RIMS1: variants seen among roughly 807,000 people sequenced by gnomAD.
RIMS1 encodes the protein regulating synaptic membrane exocytosis 1, also known as regulating synaptic membrane exocytosis protein 1.
In RIMS1, 83 loss-of-function variants were observed where a neutral mutation model predicts 214.1. That is an observed-to-expected ratio of 0.39 (90% CI 0.32 to 0.47). The LOEUF (loss-of-function observed/expected upper bound fraction) is 0.47, where lower values mean the gene tolerates loss of function less well. Among genes scored for constraint, RIMS1 ranks in the 20% least tolerant of loss-of-function variants. The probability of loss-of-function intolerance (pLI) is 0.99; values close to 1 mark genes in which losing one functional copy is unlikely to be tolerated. For synonymous variants in RIMS1, 793 were observed against 786.8 expected (o/e 1.01, Z -0.13); for missense variants, 2,050 against 2,161.8 (o/e 0.95, Z 1.03).
chr6:71,989,887 C>T (rs558513282), intron 2 of RIMS1, among the ~76,000 whole-genome samples: 1 of 152,010 alleles, frequency 6.6e-6, no homozygotes, highest in African/African-American at 2.4e-5. Context: ...CCTCAGGCCA[C>T]ACTAACCCTC....
chr6:72,088,213 T>C (rs1025724818), intron 2 of RIMS1, among the ~76,000 whole-genome samples: 23 of 141,676 alleles, frequency 1.6e-4, no homozygotes, highest in Middle Eastern at 3.6e-3. Flanking sequence ...ATTTTATTTA[T>C]TTACTTTATT....
At chr6:72,390,860 T>C in intron 30 of RIMS1, 124 bp downstream of exon 30, 2 of 1,151,116 alleles carry the variant, frequency 1.7e-6, no homozygotes, top group South Asian at 3.3e-5. Context: ...CAACCATCCA[T>C]TTTAAACCAC....
At position 72,154,281 on chromosome 6, in the gene RIMS1, A is replaced by G. The variant is rs1249841342; in HGVS notation, c.472-25294A>G. ...TCCTTCTATGAAGGACTATGTTGCT[A>G]TGCTTGCAGACAACTGACGGATAGA... On this transcript the variant is annotated intron_variant, in intron 4 of 33. Coordinates refer to ENST00000521978, the MANE Select transcript of RIMS1 (RefSeq NM_014989.7). Among the ~76,000 whole-genome samples the G allele has an allele frequency of 3.6e-5, 5 of 140,030 alleles. 1 individual carries two copies. Among genetic ancestry groups the G allele is most frequent in the Non-Finnish European group, 8.1e-5 (5 of 61,778 alleles). 91.9% of individuals were successfully genotyped at this position (140,030 alleles called of 152,430 possible).
chr6:72,107,238 A>C (rs2034942139), intron 4 of RIMS1, among the ~76,000 whole-genome samples: 1 of 152,210 alleles, frequency 6.6e-6, no homozygotes, highest in Non-Finnish European at 1.5e-5. Context: ...AAGAACAAAT[A>C]AAAGAACATA....
intron 6 of RIMS1, among the ~76,000 whole-genome samples, chr6:72,196,026 C>T (rs545933078): frequency 6.6e-6 from 1 of 152,216 alleles, no homozygotes; most frequent in East Asian, 1.9e-4. Flanking sequence ...TCACCTCCCA[C>T]TGGGTCTCTC....
intron 2 of RIMS1, among the ~76,000 whole-genome samples, chr6:71,984,586 A>G (rs1799364487): frequency 6.6e-6 from 1 of 152,192 alleles, no homozygotes; most frequent in Non-Finnish European, 1.5e-5. Context: ...CTTTGAGAAA[A>G]TTAATGCTCA....
chr6:72,015,588 A>T (rs1324419792), intron 2 of RIMS1, among the ~76,000 whole-genome samples: 1 of 152,164 alleles, frequency 6.6e-6, no homozygotes, highest in Non-Finnish European at 1.5e-5. Flanking sequence ...AAGTGGTAAG[A>T]GCAGACAATC....
chr6:72,218,877 G>A (rs1462833943), intron 6 of RIMS1, among the ~76,000 whole-genome samples: 1 of 152,144 alleles, frequency 6.6e-6, no homozygotes, highest in Non-Finnish European at 1.5e-5. Context: ...AAGTGATTAT[G>A]AATTCCATAG....
intron 2 of RIMS1, among the ~76,000 whole-genome samples, chr6:72,052,851 G>C (rs958904802): frequency 2.6e-5 from 4 of 152,100 alleles, no homozygotes; most frequent in African/African-American, 9.7e-5. Context: ...TTTTTTGTCA[G>C]TTTACACTTT....
intron 4 of RIMS1, among the ~76,000 whole-genome samples, chr6:72,164,217 G>A (rs1018448745): frequency 1.3e-4 from 20 of 152,164 alleles, no homozygotes; most frequent in African/African-American, 4.8e-4. Context: ...CTCCTGGTGT[G>A]CCATTTGCTA....
At chr6:72,369,152 A>G (rs960244685) in intron 29 of RIMS1, among the ~76,000 whole-genome samples, 4 of 151,402 alleles carry the variant, frequency 2.6e-5, no homozygotes, top group Non-Finnish European at 5.9e-5. Flanking sequence ...TCAATATGCC[A>G]TCTCTATGAA....
At chr6:72,261,241 C>A (rs1322475701) in intron 19 of RIMS1, 6 of 1,006,344 alleles carry the variant, frequency 6.0e-6, no homozygotes, top group Non-Finnish European at 7.1e-6. Flanking sequence ...TTGATAAAAT[C>A]TTTAACAGTT....
chr6:71,942,134 C>T (rs1425448602), intron 1 of RIMS1, among the ~76,000 whole-genome samples: 6 of 152,154 alleles, frequency 3.9e-5, no homozygotes, highest in Non-Finnish European at 7.3e-5. Context: ...TTTTATTCTG[C>T]AGATCTTCAT....
At chr6:71,988,878 G>A (rs867354592) in intron 2 of RIMS1, among the ~76,000 whole-genome samples, 2 of 152,078 alleles carry the variant, frequency 1.3e-5, no homozygotes, top group African/African-American at 4.8e-5. Context: ...CTACATGTGG[G>A]GGCCATTTGT....
chr6:72,182,135 CAACA>C lies in RIMS1; in HGVS notation c.813-148_813-145del, dbSNP rs1476253098. On this transcript the variant is annotated intron_variant, in intron 5 of 33. Transcript: ENST00000521978. ...TTAGATCCCTTACCTTGTAAAATTC[CAACA>C]CCCTTACAGTTCCACCTTCAGATCC... 7.7e-6 allele frequency: 6 copies of C among 778,500 alleles called. No homozygotes were observed. In the Admixed American group the frequency reaches 2.0e-4, roughly 26 times the overall value. The allele number at this position is 778,500 out of a possible 1,614,324, so 48.2% of individuals were successfully genotyped here. A position where few individuals can be genotyped will look rare whatever the true frequency, so the allele number is the denominator to read the frequency against.
intron 1 of RIMS1, among the ~76,000 whole-genome samples, chr6:71,893,735 C>T (rs557212644): frequency 6.6e-6 from 1 of 152,112 alleles, no homozygotes. Flanking sequence ...GATTACTTTT[C>T]TGTGGACAGC....
chr6:72,005,773 C>T (rs989103682), intron 2 of RIMS1, among the ~76,000 whole-genome samples: 15 of 152,214 alleles, frequency 9.9e-5, no homozygotes, highest in African/African-American at 2.2e-4. Flanking sequence ...GTAAGGAATT[C>T]GATAGTTTGA....
chr6:71,898,855 G>GT (rs914212152), intron 1 of RIMS1, among the ~76,000 whole-genome samples: 9 of 152,004 alleles, frequency 5.9e-5, no homozygotes, highest in Non-Finnish European at 1.2e-4. Flanking sequence ...TAGTACAGTG[G>GT]TTTTTTTCCA....
intron 23 of RIMS1, among the ~76,000 whole-genome samples, chr6:72,281,203 ACT>A (rs771407753): frequency 9.2e-5 from 14 of 152,098 alleles, no homozygotes; most frequent in South Asian, 2.1e-4. Flanking sequence ...GTGTTCTCTA[ACT>A]CTCAATTTTC....
Sources: allele counts gnomAD v4.1 joint callset (sites outside exome capture counted in the v4.1 genomes callset), GRCh38; gene constraint gnomAD v4.1.1; transcripts MANE v1.5; gene names NCBI Gene and HGNC (gene_info 2026-07-23, HGNC 2026-07-21).